RHCE: variants seen among roughly 807,000 people sequenced by gnomAD.
RHCE encodes blood group Rh(CE) polypeptide.
RHCE carries 22 observed loss-of-function variants against 43.8 expected under a neutral mutation model. That is an observed-to-expected ratio of 0.50 (90% CI 0.36 to 0.72). The LOEUF is 0.72. Ranked by LOEUF, RHCE falls within the 30% of genes least tolerant of loss-of-function variation. RHCE has a pLI of 0.00. For missense variants in RHCE, 385 were observed against 525.4 expected (o/e 0.73, Z 2.61); for synonymous variants, 156 against 210.7 (o/e 0.74, Z 2.25).
At chr1:25,426,634 A>G (rs951233770) in intron 2 of RHCE, among the ~76,000 whole-genome samples, 1 of 152,160 alleles carries the variant, frequency 6.6e-6, no homozygotes, top group Non-Finnish European at 1.5e-5. Context: ...GGCGGCTGCC[A>G]TAGTTAGTGC....
chr1:25,412,693 C>T (rs190290416), intron 1 of RHCE, among the ~76,000 whole-genome samples: 121 of 126,916 alleles, frequency 9.5e-4, no homozygotes, highest in African/African-American at 2.9e-3. Flanking sequence ...GCAGCCTAGG[C>T]GACAGAGGGA....
At chr1:25,424,667 T>C (rs185033705), upstream of RHCE, among the ~76,000 whole-genome samples, 1 of 151,900 alleles carries the variant, frequency 6.6e-6, no homozygotes, top group East Asian at 1.9e-4. Flanking sequence ...GGATTATAAG[T>C]GTGAGCCACT....
intron 5 of RHCE, 39 bp downstream of exon 5, chr1:25,390,710 T>C: frequency 6.2e-7 from 1 of 1,613,654 alleles, no homozygotes; most frequent in Non-Finnish European, 8.5e-7. Context: ...GCTAGTCCTG[T>C]TAGACCCAAG....
intron 3 of RHCE, among the ~76,000 whole-genome samples, chr1:25,397,126 A>G (rs1646571544): frequency 6.7e-6 from 1 of 148,766 alleles, no homozygotes. Flanking sequence ...AAAAAAAAAA[A>G]AAAAAAAGAA....
chr1:25,384,798 G>C (rs558051007), intron 7 of RHCE, among the ~76,000 whole-genome samples: 1 of 152,092 alleles, frequency 6.6e-6, no homozygotes, highest in African/African-American at 2.4e-5. Flanking sequence ...GGTGACCTTG[G>C]GCAGATAACT....
chr1:25,377,442 A>C (rs2744794), intron 7 of RHCE, among the ~76,000 whole-genome samples: 1 of 152,142 alleles, frequency 6.6e-6, no homozygotes, highest in East Asian at 1.9e-4. Context: ...GTGATCTGCC[A>C]GCCTCAGCCT....
intron 8 of RHCE, among the ~76,000 whole-genome samples, 183 bp from the exon 9 acceptor site, chr1:25,370,723 A>ATTTTG (rs1277203821): frequency 8.1e-6 from 1 of 123,168 alleles, no homozygotes; most frequent in Non-Finnish European, 1.6e-5. Flanking sequence ...TCTGTAGACT[A>ATTTTG]TTTTATTTTA....
At chr1:25,409,018 C>G (rs1436113025) in intron 1 of RHCE, 149 bp from the exon 2 acceptor site, 1 of 526,898 alleles carries the variant, frequency 1.9e-6, no homozygotes, top group African/African-American at 1.8e-5. Flanking sequence ...CTCTTTGAGC[C>G]TCAATGTTCT....
chr1:25,392,335 C>T (rs1646398632), intron 3 of RHCE, among the ~76,000 whole-genome samples, 194 bp from the exon 4 acceptor site: 1 of 152,198 alleles, frequency 6.6e-6, no homozygotes, highest in Non-Finnish European at 1.5e-5. Context: ...GATCTCGGCT[C>T]ACTGGAACAT....
chr1:25,394,375 G>C (rs985738678), intron 3 of RHCE, among the ~76,000 whole-genome samples: 1 of 151,776 alleles, frequency 6.6e-6, no homozygotes, highest in Non-Finnish European at 1.5e-5. Context: ...TTGTTCTGCC[G>C]CTGTTCTCAG....
chr1:25,378,999 T>TA (rs1483864801), intron 7 of RHCE, among the ~76,000 whole-genome samples: 1 of 152,180 alleles, frequency 6.6e-6, no homozygotes, highest in Non-Finnish European at 1.5e-5. Flanking sequence ...AGCACAGACT[T>TA]ACTGTATGAT....
chr1:25,410,468 T>A (rs922908127), intron 1 of RHCE, among the ~76,000 whole-genome samples: 10 of 151,826 alleles, frequency 6.6e-5, no homozygotes, highest in African/African-American at 2.2e-4. Flanking sequence ...GTCTCTCTGT[T>A]ACCCAGGTTG....
At chr1:25,426,305 G>A (rs983474788) in intron 2 of RHCE, among the ~76,000 whole-genome samples, 2 of 152,148 alleles carry the variant, frequency 1.3e-5, no homozygotes, top group Non-Finnish European at 2.9e-5. Flanking sequence ...GTCGATTTAG[G>A]CCTTGTTTTT....
At chr1:25,423,512 G>A (rs2042783042), upstream of RHCE, among the ~76,000 whole-genome samples, 2 of 152,234 alleles carry the variant, frequency 1.3e-5, no homozygotes, top group Admixed American at 6.5e-5. Flanking sequence ...GGAAGCAGCA[G>A]GGACTGACTG....
At position 25,376,217 on chromosome 1, in the gene RHCE, C is replaced by A. The variant is rs182485916; in HGVS notation, c.1074-789G>T. ...CATCCCTACCCCTTGAACATACTTC[C>A]AGGATCTCTCTCCTTCAAGGCAACC... On this transcript the variant is annotated intron_variant, in intron 7 of 9. Coordinates refer to ENST00000294413, the MANE Select transcript of RHCE (RefSeq NM_020485.8). 2.4e-3 allele frequency among the ~76,000 whole-genome samples: 368 copies of A among 152,280 alleles called. 4 individuals carry two copies. The highest frequency in any genetic ancestry group is 0.017 in the Admixed American group (255 of 15,298).
At chr1:25,395,363 G>A (rs934143453) in intron 3 of RHCE, among the ~76,000 whole-genome samples, 44 of 151,906 alleles carry the variant, frequency 2.9e-4, no homozygotes, top group African/African-American at 8.2e-4. Flanking sequence ...CACGTTTTTC[G>A]CTAAAGAGAA....
chr1:25,388,872 A>G (rs1270948499), intron 6 of RHCE, 104 bp downstream of exon 6: 25 of 1,579,410 alleles, frequency 1.6e-5, no homozygotes, highest in South Asian at 4.5e-5. Context: ...AGAATGCACC[A>G]ACACCTGCCT....
chr1:25,378,785 T>C (rs1034650345), intron 7 of RHCE, among the ~76,000 whole-genome samples: 2 of 152,236 alleles, frequency 1.3e-5, no homozygotes, highest in African/African-American at 4.8e-5. Flanking sequence ...CTGCAAGACG[T>C]GTTCTGCCTC....
chr1:25,389,024 C>A lies in RHCE; in HGVS notation c.891G>T (p.Leu297=), dbSNP rs371625816. Residue 297 remains leucine (L), a synonymous_variant, in exon 6 of 10, where the codon CTG becomes CTT. Coordinates refer to ENST00000294413, the MANE Select transcript of RHCE (RefSeq NM_020485.8). Reference sequence around the variant, plus strand: ...TGGAGATCAGCCCAGCCACAAGACCCAGCACCATGGCAAGCCACGGAGAAG... The same window carrying A: ...TGGAGATCAGCCCAGCCACAAGACCAAGCACCATGGCAAGCCACGGAGAAG... ...LIPSPWLAMV[L]GLVAGLISIG... The A allele has an allele frequency of 3.7e-6, 6 of 1,614,106 alleles. No individual in the cohort carries two copies. In the African/African-American group the frequency reaches 6.7e-5, roughly 18 times the overall value.
Sources: allele counts gnomAD v4.1 joint callset (sites outside exome capture counted in the v4.1 genomes callset), GRCh38; gene constraint gnomAD v4.1.1; transcripts MANE v1.5; gene names NCBI Gene and HGNC (gene_info 2026-07-23, HGNC 2026-07-21).